The following TMEM184C variants were observed in gnomAD, a reference collection of about 807,000 sequenced individuals.
TMEM184C encodes the protein transmembrane protein 34.
In TMEM184C, 25 loss-of-function variants were observed where a neutral mutation model predicts 54.5. The observed-to-expected ratio is 0.46, with a 90% CI of 0.33 to 0.64. The LOEUF is 0.64. Ranked by LOEUF, TMEM184C falls within the 30% of genes least tolerant of loss-of-function variation. The pLI, the probability that TMEM184C is intolerant of heterozygous loss-of-function variation, is 0.02. For missense variants in TMEM184C, 335 were observed against 520.3 expected (o/e 0.64, Z 3.46); for synonymous variants, 148 against 181.5 (o/e 0.82, Z 1.49).
chr4:147,627,906 C>T (rs111255908), intron 4 of TMEM184C, among the ~76,000 whole-genome samples: 6 of 137,026 alleles, frequency 4.4e-5, no homozygotes, highest in African/African-American at 1.7e-4. Context: ...TATGCAGATA[C>T]AGTTCCAGCT....
chr4:147,632,172 C>CAAAAA (rs537342410), intron 7 of TMEM184C, among the ~76,000 whole-genome samples: 5 of 123,164 alleles, frequency 4.1e-5, no homozygotes, highest in Admixed American at 1.7e-4. Flanking sequence ...AACTCTGTCT[C>CAAAAA]AAAAAAAAAA....
chr4:147,634,095 G>A, intron 9 of TMEM184C, 74 bp from the exon 10 acceptor site: 2 of 1,543,792 alleles, frequency 1.3e-6, no homozygotes, highest in Non-Finnish European at 1.7e-6. Flanking sequence ...GGGGAAGTGG[G>A]GAGCTTATTT....
chr4:147,626,032 T>TG (rs1458921650), intron 4 of TMEM184C, among the ~76,000 whole-genome samples: 2 of 151,892 alleles, frequency 1.3e-5, no homozygotes, highest in African/African-American at 4.8e-5. Flanking sequence ...AGTCAGTTCC[T>TG]GGGTGGGGGC....
rs1733044010 is a variant in TMEM184C at position 147,636,323 on chromosome 4, TAC to T, written c.*1893_*1894del. ...AAGAGTCCAGATATAAATCCAAACA[TAC>T]ACAGTCAACTAATTTTTGACAAAGA... On this transcript the variant is annotated 3_prime_UTR_variant, in exon 10 of 10. Coordinates refer to ENST00000296582, the MANE Select transcript of TMEM184C (RefSeq NM_018241.3). 6.6e-6 allele frequency: 1 copy of T among 151,976 alleles called. No individual in the cohort carries two copies. Among genetic ancestry groups the T allele is most frequent in the Non-Finnish European group, 1.5e-5 (1 of 67,994 alleles). The allele number at this position is 151,976 out of a possible 1,614,324, so 9.4% of individuals were successfully genotyped here.
Position 147,629,683 on chromosome 4 carries a change from G to T in TMEM184C, c.657G>T (p.Met219Ile). 2 of 1,572,114 alleles carry T rather than the reference G, an allele frequency of 1.3e-6. No homozygotes were observed. The highest frequency in any genetic ancestry group is 1.7e-6 in the Non-Finnish European group (2 of 1,162,804). ...CTTATTTGGTTATAATAAACAACAT[G>T]TCACAGTTGGTAAGTAAAATGTTCA... is the stretch of plus-strand genomic sequence containing the variant. ...AWTYLVIINNMSQLFAMYCLL... is the reference protein window; with the variant it reads ...AWTYLVIINNISQLFAMYCLL... The change falls in exon 6 of 10, where the codon ATG becomes ATT. Residue 219 changes from methionine (M) to isoleucine (I), a missense_variant. Coordinates refer to ENST00000296582, the MANE Select transcript of TMEM184C (RefSeq NM_018241.3).
chr4:147,618,021 A>T lies in TMEM184C; in HGVS notation c.65A>T (p.Tyr22Phe). The T allele has an allele frequency of 6.2e-7, 1 of 1,614,172 alleles. No homozygotes were observed. Among genetic ancestry groups the T allele is most frequent in the Non-Finnish European group, 8.5e-7 (1 of 1,180,020 alleles). The change falls in exon 1 of 10, where the codon TAC becomes TTC. Residue 22 changes from tyrosine to phenylalanine, a missense_variant. By Grantham distance (22) the Tyr-to-Phe change is conservative. Coordinates refer to ENST00000296582, the MANE Select transcript of TMEM184C (RefSeq NM_018241.3). ...ATTCGACCTTTAGTAGCGGTCATCTACCTGGTGTCAATAGTGGTTGCGGTT... is the reference window on the plus strand; with the variant it reads ...ATTCGACCTTTAGTAGCGGTCATCTTCCTGGTGTCAATAGTGGTTGCGGTT... ...QWIRPLVAVI[Y>F]LVSIVVAVPL...
In TMEM184C at chr4:147,624,892, G is replaced by T; in HGVS notation, c.380G>T (p.Gly127Val). 6.2e-7 allele frequency: 1 copy of T among 1,613,874 alleles called. No homozygotes were observed. The highest frequency in any genetic ancestry group is 8.5e-7 in the Non-Finnish European group (1 of 1,179,864). Residue 127 changes from glycine (G) to valine (V), a missense_variant, in exon 4 of 10, where the codon GGA becomes GTA. Transcript: ENST00000296582. ...YEAYVIYNFM[G>V]FLTNYLTNRY... ...GCTTATGTAATTTACAACTTTATGG[G>T]ATTCCTTACCAATTATCTAACTAAC...
At chr4:147,625,713 CAA>C (rs1431171893) in intron 4 of TMEM184C, among the ~76,000 whole-genome samples, 1 of 152,018 alleles carries the variant, frequency 6.6e-6, no homozygotes, top group Non-Finnish European at 1.5e-5. Flanking sequence ...AAAAGAAAGG[CAA>C]TAAGAGAATG....
intron 1 of TMEM184C, among the ~76,000 whole-genome samples, chr4:147,622,274 A>G (rs1732724707): frequency 6.6e-6 from 1 of 152,144 alleles, no homozygotes; most frequent in Non-Finnish European, 1.5e-5. Flanking sequence ...AAGGAGATCT[A>G]GAATATGCTT....
At chr4:147,633,610 AATT>A (rs1732955961) in intron 8 of TMEM184C, among the ~76,000 whole-genome samples, 152 bp from the exon 9 acceptor site, 1 of 152,116 alleles carries the variant, frequency 6.6e-6, no homozygotes, top group Non-Finnish European at 1.5e-5. Flanking sequence ...GGTCAAAAAT[AATT>A]ATTTTAGAAA....
At chr4:147,618,102 G>T in intron 1 of TMEM184C, 23 bp downstream of exon 1, 5 of 1,613,550 alleles carry the variant, frequency 3.1e-6, no homozygotes, top group Non-Finnish European at 4.2e-6. Context: ...TGCACCATCA[G>T]CCTGTACACT....
Position 147,618,005 on chromosome 4 carries a change from T to G in TMEM184C, c.49T>G (p.Leu17Val), listed in dbSNP as rs1325095974. Residue 17 changes from leucine to valine, a missense_variant, in exon 1 of 10, where the codon TTA (leucine) becomes GTA (valine). Coordinates refer to ENST00000296582, the MANE Select transcript of TMEM184C (RefSeq NM_018241.3). ...GAACTGGAGACAGTGGATTCGACCT[T>G]TAGTAGCGGTCATCTACCTGGTGTC... ...WRNWRQWIRPLVAVIYLVSIV... is the reference protein window; with the variant it reads ...WRNWRQWIRPVVAVIYLVSIV... 1 of 1,614,166 alleles carries G rather than the reference T, an allele frequency of 6.2e-7. No individual in the cohort carries two copies.
chr4:147,626,785 AT>A (rs1732822721), intron 4 of TMEM184C, among the ~76,000 whole-genome samples: 1 of 152,220 alleles, frequency 6.6e-6, no homozygotes, highest in South Asian at 2.1e-4. Context: ...ATAGTTAGTT[AT>A]TTCAGGAAAT....
intron 6 of TMEM184C, among the ~76,000 whole-genome samples, chr4:147,630,827 T>C (rs926321678): frequency 5.9e-5 from 9 of 152,222 alleles, no homozygotes; most frequent in African/African-American, 1.9e-4. Context: ...AAAATGTTTA[T>C]TGTTATTCAG....
rs1578863226 is a variant in TMEM184C, at chr4:147,634,493, G to C, written c.*59G>C. On this transcript the variant is annotated 3_prime_UTR_variant, in exon 10 of 10. Transcript: ENST00000296582. ...ATTATATCATTACCTGGTATCCCAT[G>C]GATTTTGTGCTTGGGACAGACCATA... is the stretch of plus-strand genomic sequence containing the variant. The C allele has an allele frequency of 1.3e-6, 2 of 1,562,966 alleles. No homozygotes were observed. The highest frequency in any genetic ancestry group is 2.3e-5 in the East Asian group (1 of 44,360).
chr4:147,634,457 G>A lies in TMEM184C; in HGVS notation c.*23G>A. ...TGAACAGTATGGAAAAGCAAACTGT[G>A]CAACTACTACATTATATCATTACCT... is the stretch of plus-strand genomic sequence containing the variant. On this transcript the variant is annotated 3_prime_UTR_variant, in exon 10 of 10. Transcript: ENST00000296582. The A allele has an allele frequency of 1.2e-6, 2 of 1,608,362 alleles. No homozygotes were observed. The highest frequency in any genetic ancestry group is 1.7e-6 in the Non-Finnish European group (2 of 1,176,860).
intron 1 of TMEM184C, among the ~76,000 whole-genome samples, chr4:147,620,396 A>G (rs1732687685): frequency 6.6e-6 from 1 of 152,250 alleles, no homozygotes; most frequent in Admixed American, 6.5e-5. Context: ...AAACAAATCA[A>G]TAAAATTGTA....
At chr4:147,623,796 A>G (rs190796528) in intron 1 of TMEM184C, 38 bp from the exon 2 acceptor site, 41 of 1,605,030 alleles carry the variant, frequency 2.6e-5, no homozygotes, top group Admixed American at 8.4e-5. Context: ...TTGTTTTAAT[A>G]TCAGAATTTA....
In TMEM184C at chr4:147,629,500, T is replaced by C. The variant is rs1391874398; in HGVS notation, c.573-99T>C. On this transcript the variant is annotated intron_variant, in intron 5 of 9. Transcript: ENST00000296582. ...CAAAGTCAAGTGATTGTCAGTGAGA[T>C]CTCAAATAAACTGACTTCTAAATTT... is the stretch of plus-strand genomic sequence containing the variant. The C allele has an allele frequency of 1.1e-5, 9 of 821,688 alleles. No individual in the cohort carries two copies. In the Middle Eastern group the frequency reaches 8.8e-4, roughly 81 times the overall value. 50.9% of individuals were successfully genotyped at this position (821,688 alleles called of 1,614,324 possible). A position where few individuals can be genotyped will look rare whatever the true frequency, so the allele number is the denominator to read the frequency against.
Sources: gnomAD v4.1 joint callset for allele counts (sites outside exome capture counted in the v4.1 genomes callset) on GRCh38, gnomAD v4.1.1 for gene constraint, MANE v1.5 for transcripts, NCBI Gene and HGNC (gene_info 2026-07-23, HGNC 2026-07-21) for gene names.